KALRN: variants seen among roughly 807,000 people sequenced by gnomAD.
The protein encoded by KALRN is kalirin RhoGEF kinase.
A neutral mutation model predicts 353.7 loss-of-function variants in KALRN; 70 were observed. That is an observed-to-expected ratio of 0.20 (90% CI 0.16 to 0.24). The LOEUF (loss-of-function observed/expected upper bound fraction) is 0.24, where lower values mean the gene tolerates loss of function less well. Ranked by LOEUF, KALRN falls within the 10% of genes least tolerant of loss-of-function variation. The probability of loss-of-function intolerance (pLI) is 1.00; values close to 1 mark genes in which losing one functional copy is unlikely to be tolerated. For missense variants in KALRN, 2,791 were observed against 3,756.7 expected (o/e 0.74, Z 6.72); for synonymous variants, 1,391 against 1,434.8 (o/e 0.97, Z 0.69).
Position 124,496,298 on chromosome 3 carries a change from C to G in KALRN, c.4833-13C>G. The G allele has an allele frequency of 2.7e-6, 4 of 1,507,586 alleles. No individual in the cohort carries two copies. Among genetic ancestry groups the G allele is most frequent in the Non-Finnish European group, 2.7e-6 (3 of 1,104,306 alleles). 93.4% of individuals were successfully genotyped at this position (1,507,586 alleles called of 1,614,324 possible). ...CCACCCCCACCCCTGTTTTTTTTCT[C>G]TTCTTCCTGCAGGGATGGAGTGGAG... On this transcript the variant is annotated splice_polypyrimidine_tract_variant and intron_variant, in intron 32 of 59. Coordinates refer to ENST00000682506, the MANE Select transcript of KALRN (RefSeq NM_001388419.1).
chr3:124,224,254 G>T (rs958188039), intron 1 of KALRN, among the ~76,000 whole-genome samples: 1 of 149,954 alleles, frequency 6.7e-6, no homozygotes. Flanking sequence ...ATGGAAACAG[G>T]TCTATGATTG....
At chr3:124,197,048 T>C (rs1235874592) in intron 1 of KALRN, among the ~76,000 whole-genome samples, 1 of 152,252 alleles carries the variant, frequency 6.6e-6, no homozygotes, top group Non-Finnish European at 1.5e-5. Context: ...AATTATGCTA[T>C]GCTACCATCA....
chr3:124,360,786 C>G (rs1285192792), intron 10 of KALRN, among the ~76,000 whole-genome samples: 1 of 152,158 alleles, frequency 6.6e-6, no homozygotes, highest in Non-Finnish European at 1.5e-5. Context: ...TCTGTGACAC[C>G]GTGAGCAGGG....
At position 124,660,699 on chromosome 3, in the gene KALRN, G is replaced by A. The variant is rs1011240241; in HGVS notation, c.6217-224G>A. ...ATGTCTCAAAAAAAAAAAAAAAAAG[G>A]AAAGAAAGAAAGAAAAGAAATTTGA... On this transcript the variant is annotated intron_variant, in intron 43 of 59. Transcript: ENST00000682506. Among the ~76,000 whole-genome samples, 119 of 125,306 alleles carry A rather than the reference G, an allele frequency of 9.5e-4. 1 individual carries two copies. Among genetic ancestry groups the A allele is most frequent in the African/African-American group, 2.6e-3 (81 of 30,760 alleles). 82.2% of individuals were successfully genotyped at this position (125,306 alleles called of 152,430 possible). A position where few individuals can be genotyped will look rare whatever the true frequency, so the allele number is the denominator to read the frequency against.
chr3:124,286,767 G>A (rs1560465574), intron 5 of KALRN, among the ~76,000 whole-genome samples: 1 of 151,896 alleles, frequency 6.6e-6, no homozygotes, highest in Non-Finnish European at 1.5e-5. Context: ...TTTTTAAGAT[G>A]TCAATCATAG....
In KALRN at chr3:124,355,400, G is replaced by A. The variant is rs540123590; in HGVS notation, c.1770+8135G>A. Among the ~76,000 whole-genome samples, 4 of 152,268 alleles carry A rather than the reference G, an allele frequency of 2.6e-5. No homozygotes were observed. The East Asian group carries it at 5.8e-4, about 22-fold the overall frequency. ...TTGACAAAATACACCACAATTGTTG[G>A]AAGGCTACCATGATTGTGAAGTTGA... On this transcript the variant is annotated intron_variant, in intron 10 of 59. Transcript: ENST00000682506.
At chr3:124,286,809 T>C (rs1398693072) in intron 5 of KALRN, among the ~76,000 whole-genome samples, 1 of 152,250 alleles carries the variant, frequency 6.6e-6, no homozygotes, top group Non-Finnish European at 1.5e-5. Flanking sequence ...CTAATTCATA[T>C]CTGGATCATC....
chr3:124,131,541 T>G (rs79327587), intron 1 of KALRN, among the ~76,000 whole-genome samples: 2,801 of 152,322 alleles, frequency 0.018, 33 homozygotes, highest in Non-Finnish European at 0.033. Flanking sequence ...AGCTACTGAT[T>G]AGAATCACAT....
intron 9 of KALRN, among the ~76,000 whole-genome samples, chr3:124,336,767 T>C (rs1247490909): frequency 2.6e-5 from 4 of 152,200 alleles, no homozygotes; most frequent in African/African-American, 9.6e-5. Context: ...TGTTTGTAAA[T>C]CCATGAGCAT....
chr3:124,284,387 A>G lies in KALRN; in HGVS notation c.970-14404A>G, dbSNP rs557794853. Among the ~76,000 whole-genome samples, 12 of 152,122 alleles carry G rather than the reference A, an allele frequency of 7.9e-5. No individual in the cohort carries two copies. In the South Asian group the frequency reaches 1.7e-3, roughly 21 times the overall value. The stretch of plus-strand genomic sequence containing the variant: ...AAACCTCCAGGCCTTTGCTTAAGCT[A>G]TTTCCTCTGATTAAAATGCCCTTGC... On this transcript the variant is annotated intron_variant, in intron 5 of 59. Coordinates refer to ENST00000682506, the MANE Select transcript of KALRN (RefSeq NM_001388419.1).
At chr3:124,220,452 C>T (rs1389546877) in intron 1 of KALRN, among the ~76,000 whole-genome samples, 1 of 151,860 alleles carries the variant, frequency 6.6e-6, no homozygotes, top group Non-Finnish European at 1.5e-5. Flanking sequence ...CTTGCTCTTA[C>T]CCCTTTACCT....
chr3:124,675,710 T>G (rs2087111867), intron 49 of KALRN, among the ~76,000 whole-genome samples: 1 of 152,132 alleles, frequency 6.6e-6, no homozygotes, highest in South Asian at 2.1e-4. Flanking sequence ...GTCCAACTGG[T>G]TCCCTGCAAC....
chr3:124,089,811 G>A (rs560947703), intron 1 of KALRN, among the ~76,000 whole-genome samples: 3 of 152,076 alleles, frequency 2.0e-5, no homozygotes, highest in Non-Finnish European at 4.4e-5. Flanking sequence ...GGACATGCCT[G>A]TGAAGACCTA....
intron 34 of KALRN, among the ~76,000 whole-genome samples, chr3:124,583,814 A>G (rs1310359296): frequency 6.6e-6 from 1 of 152,046 alleles, no homozygotes; most frequent in Non-Finnish European, 1.5e-5. Flanking sequence ...CTCGGGCCCC[A>G]CCTCCTACCT....
chr3:124,359,596 G>GA (rs1394157326), intron 10 of KALRN, among the ~76,000 whole-genome samples: 1 of 152,178 alleles, frequency 6.6e-6, no homozygotes, highest in Non-Finnish European at 1.5e-5. Context: ...TGGACCTTGT[G>GA]AAAATCACTT....
intron 34 of KALRN, among the ~76,000 whole-genome samples, chr3:124,563,955 A>T: frequency 6.6e-6 from 1 of 151,216 alleles, no homozygotes; most frequent in African/African-American, 2.4e-5. Context: ...GCAGCAAGCC[A>T]AGATTGTGCC....
chr3:124,453,486 G>T (rs2059001285), intron 21 of KALRN, among the ~76,000 whole-genome samples: 1 of 152,144 alleles, frequency 6.6e-6, no homozygotes, highest in South Asian at 2.1e-4. Context: ...CATGGGAGGG[G>T]CTGTAGATAG....
intron 34 of KALRN, among the ~76,000 whole-genome samples, chr3:124,624,403 T>G (rs35990653): frequency 1.3e-5 from 2 of 152,142 alleles, no homozygotes; most frequent in East Asian, 3.9e-4. Context: ...TTATCATAGG[T>G]ACACATGTAT....
chr3:124,349,964 G>A (rs2082679974), intron 10 of KALRN, among the ~76,000 whole-genome samples: 1 of 152,162 alleles, frequency 6.6e-6, no homozygotes, highest in South Asian at 2.1e-4. Flanking sequence ...TGTTGGAATA[G>A]GGCCATCCCA....
Sources: allele counts gnomAD v4.1 joint callset (sites outside exome capture counted in the v4.1 genomes callset), GRCh38; gene constraint gnomAD v4.1.1; transcripts MANE v1.5; gene names NCBI Gene and HGNC (gene_info 2026-07-23, HGNC 2026-07-21).